Variants in RFX3 observed in about 807,000 individuals in gnomAD.
RFX3 encodes the protein regulatory factor X3, also known as transcription factor RFX3.
RFX3 carries 14 observed loss-of-function variants against 98.6 expected under a neutral mutation model. The observed-to-expected ratio is 0.14, with a 90% confidence interval of 0.09 to 0.22. The LOEUF (loss-of-function observed/expected upper bound fraction) is 0.22, where lower values mean the gene tolerates loss of function less well. RFX3 is among the 10% of genes least tolerant of loss of function. The probability of loss-of-function intolerance (pLI) is 1.00; values close to 1 mark genes in which losing one functional copy is unlikely to be tolerated. For missense variants in RFX3, 639 were observed against 926.9 expected (o/e 0.69, Z 4.03); for synonymous variants, 383 against 328.4 (o/e 1.17, Z -1.80).
intron 14 of RFX3, among the ~76,000 whole-genome samples, chr9:3,254,406 G>C (rs1821829996): frequency 6.6e-6 from 1 of 152,074 alleles, no homozygotes; most frequent in Admixed American, 6.6e-5. Context: ...GGTCATATAA[G>C]TTTTGGAACA....
chr9:3,340,202 G>A (rs1033324866), intron 3 of RFX3, among the ~76,000 whole-genome samples: 20 of 152,206 alleles, frequency 1.3e-4, no homozygotes, highest in Non-Finnish European at 2.4e-4. Flanking sequence ...CTAGCCATAT[G>A]TAGAAAGCTG....
chr9:3,389,252 C>T (rs1204528084), intron 2 of RFX3, among the ~76,000 whole-genome samples: 2 of 151,974 alleles, frequency 1.3e-5, no homozygotes, highest in Non-Finnish European at 2.9e-5. Context: ...AGACGACCTC[C>T]TAGGTTGAGG....
At chr9:3,378,601 G>C (rs1326911001) in intron 2 of RFX3, among the ~76,000 whole-genome samples, 1 of 139,074 alleles carries the variant, frequency 7.2e-6, no homozygotes, top group East Asian at 2.1e-4. Flanking sequence ...TTGTCACCCA[G>C]GTTAGAGTGC....
chr9:3,340,402 T>G (rs1399910620), intron 3 of RFX3, among the ~76,000 whole-genome samples: 2 of 152,092 alleles, frequency 1.3e-5, no homozygotes, highest in African/African-American at 4.8e-5. Context: ...AATTGACAAA[T>G]GGGATCTAAT....
In RFX3 at chr9:3,504,420, C is replaced by A. The variant is rs1030439420; in HGVS notation, c.-9+21327G>T. 1.2e-4 allele frequency among the ~76,000 whole-genome samples: 15 copies of A among 130,244 alleles called. 2 individuals are homozygous for A. The East Asian group carries it at 1.7e-3, about 15-fold the overall frequency. 85.4% of individuals were successfully genotyped at this position (130,244 alleles called of 152,430 possible). On this transcript the variant is annotated intron_variant, in intron 1 of 16. Coordinates refer to ENST00000617270, the MANE Select transcript of RFX3 (RefSeq NM_001282116.2). Reference sequence around the variant, plus strand: ...TTGTATATAAAATATATATTATATACCACATAGTATATATTGTATATAAAA... The same window carrying A: ...TTGTATATAAAATATATATTATATAACACATAGTATATATTGTATATAAAA...
At chr9:3,243,918 T>C (rs565875891) in intron 15 of RFX3, among the ~76,000 whole-genome samples, 1 of 152,344 alleles carries the variant, frequency 6.6e-6, no homozygotes, top group East Asian at 1.9e-4. Flanking sequence ...TTTCAGAACC[T>C]GATTTCACAA....
chr9:3,268,686 A>G (rs1003140751), intron 11 of RFX3, among the ~76,000 whole-genome samples: 1 of 151,994 alleles, frequency 6.6e-6, no homozygotes, highest in Non-Finnish European at 1.5e-5. Context: ...AATTTGCAAA[A>G]GACAAAGGCC....
At chr9:3,309,392 T>C (rs1829709910) in intron 4 of RFX3, among the ~76,000 whole-genome samples, 1 of 152,130 alleles carries the variant, frequency 6.6e-6, no homozygotes, top group Non-Finnish European at 1.5e-5. Flanking sequence ...ATCCGTGGCC[T>C]AAAACTCAGG....
At position 3,507,875 on chromosome 9, in the gene RFX3, A is replaced by T. The variant is rs1564190067; in HGVS notation, c.-9+17872T>A. ...GAATTCACAAATGCAGATCCCACAG[A>T]TACGAAATGTAGACTGGTCAAAAAA... On this transcript the variant is annotated intron_variant, in intron 1 of 16. Transcript: ENST00000617270. Among the ~76,000 whole-genome samples the T allele has an allele frequency of 2.0e-5, 3 of 152,072 alleles. No individual in the cohort carries two copies. In the South Asian group the frequency reaches 6.2e-4, roughly 32 times the overall value.
At chr9:3,277,721 T>C (rs1586849062) in intron 7 of RFX3, among the ~76,000 whole-genome samples, 1 of 151,982 alleles carries the variant, frequency 6.6e-6, no homozygotes, top group South Asian at 2.1e-4. Context: ...GAAAGAATTA[T>C]AAGGTATTTC....
At chr9:3,467,868 A>G (rs1047831307) in intron 1 of RFX3, among the ~76,000 whole-genome samples, 2 of 152,190 alleles carry the variant, frequency 1.3e-5, no homozygotes, top group Non-Finnish European at 2.9e-5. Context: ...TTTCCATGGT[A>G]TAATATGAAG....
chr9:3,494,894 T>C (rs184731018), intron 1 of RFX3, among the ~76,000 whole-genome samples: 15 of 152,084 alleles, frequency 9.9e-5, no homozygotes, highest in African/African-American at 3.6e-4. Flanking sequence ...CATTCACACT[T>C]TGAGAAGCAT....
chr9:3,346,631 T>C, intron 3 of RFX3, 36 bp downstream of exon 3: 2 of 1,276,694 alleles, frequency 1.6e-6, no homozygotes, highest in Non-Finnish European at 2.3e-6. Flanking sequence ...TTTCTCTGAG[T>C]GGGGGAATTA....
intron 5 of RFX3, among the ~76,000 whole-genome samples, chr9:3,295,793 C>A (rs1333954): frequency 0.57 from 86,243 of 151,816 alleles, 27,404 homozygotes; most frequent in African/African-American, 0.88. Flanking sequence ...GAAAAATCTT[C>A]ATTTAAAGGG....
chr9:3,320,762 A>G (rs1831184782), intron 4 of RFX3, among the ~76,000 whole-genome samples: 2 of 128,970 alleles, frequency 1.6e-5, no homozygotes, highest in Admixed American at 8.0e-5. Flanking sequence ...AATGCATGCT[A>G]CATAGCATAT....
intron 2 of RFX3, among the ~76,000 whole-genome samples, chr9:3,392,661 G>C (rs1218714341): frequency 1.3e-5 from 2 of 151,916 alleles, no homozygotes; most frequent in Non-Finnish European, 2.9e-5. Flanking sequence ...AAATAGGCCT[G>C]CATCAATGCA....
intron 9 of RFX3, among the ~76,000 whole-genome samples, chr9:3,272,924 A>T (rs1824694156): frequency 6.6e-6 from 1 of 151,992 alleles, no homozygotes; most frequent in African/African-American, 2.4e-5. Flanking sequence ...TACTGTAGGA[A>T]ATGTGAAATA....
At chr9:3,497,334 T>C (rs1397361386) in intron 1 of RFX3, among the ~76,000 whole-genome samples, 1 of 151,918 alleles carries the variant, frequency 6.6e-6, no homozygotes, top group Non-Finnish European at 1.5e-5. Flanking sequence ...AAGCAAACAA[T>C]TAAATGTTCT....
chr9:3,306,705 C>A (rs1211273480), intron 4 of RFX3, among the ~76,000 whole-genome samples: 1 of 150,936 alleles, frequency 6.6e-6, no homozygotes, highest in Non-Finnish European at 1.5e-5. Context: ...ACATATGTAA[C>A]AAACCTGCAG....
Sources: gnomAD v4.1 joint callset for allele counts (sites outside exome capture counted in the v4.1 genomes callset) on GRCh38, gnomAD v4.1.1 for gene constraint, MANE v1.5 for transcripts, NCBI Gene and HGNC (gene_info 2026-07-23, HGNC 2026-07-21) for gene names.